The following CUL5 variants were observed in gnomAD, a reference collection of about 807,000 sequenced individuals.
The protein encoded by CUL5 is cullin-5.
A neutral mutation model predicts 108.8 loss-of-function variants in CUL5; 26 were observed. The observed-to-expected ratio is 0.24, with a 90% CI of 0.18 to 0.33. CUL5 has a LOEUF of 0.33. Ranked by LOEUF, CUL5 falls within the 10% of genes least tolerant of loss-of-function variation. The pLI is 1.00. For missense variants in CUL5, 524 were observed against 909.2 expected (o/e 0.58, Z 5.45); for synonymous variants, 334 against 298.0 (o/e 1.12, Z -1.25).
Position 108,009,262 on chromosome 11 carries a change from C to G in CUL5, c.-87C>G, listed in dbSNP as rs973408082. 1.3e-6 allele frequency: 2 copies of G among 1,492,430 alleles called. No individual in the cohort carries two copies. Among genetic ancestry groups the G allele is most frequent in the East Asian group, 2.3e-5 (1 of 43,996 alleles). 92.4% of individuals were successfully genotyped at this position (1,492,430 alleles called of 1,614,324 possible). On this transcript the variant is annotated 5_prime_UTR_variant, in exon 1 of 19. Transcript: ENST00000393094. ...GGTGCGGGCCGACGGGCCCTGGGCC[C>G]TGGTGGGAGCTCCGGCCTCCGGTCA...
Position 108,105,969 on chromosome 11 carries a change from T to A in CUL5, c.*1585T>A, listed in dbSNP as rs1017543545. 6.6e-6 allele frequency: 1 copy of A among 152,144 alleles called. No homozygotes were observed. The highest frequency in any genetic ancestry group is 2.4e-5 in the African/African-American group (1 of 41,454). The allele number at this position is 152,144 out of a possible 1,614,324, so 9.4% of individuals were successfully genotyped here. ...TGGAAGGAAAGCAACTTTAAAACAT[T>A]TAGAGTTTTGCTGAGTATAGCCAAA... is the stretch of plus-strand genomic sequence containing the variant. On this transcript the variant is annotated 3_prime_UTR_variant, in exon 19 of 19. Coordinates refer to ENST00000393094, the MANE Select transcript of CUL5 (RefSeq NM_003478.6).
At chr11:108,011,595 A>T (rs573999689) in intron 1 of CUL5, among the ~76,000 whole-genome samples, 1 of 152,050 alleles carries the variant, frequency 6.6e-6, no homozygotes, top group Admixed American at 6.5e-5. Context: ...AGCCAATGTC[A>T]TAAAAAAAAC....
intron 4 of CUL5, 87 bp from the exon 5 acceptor site, chr11:108,052,573 A>C: frequency 7.7e-7 from 1 of 1,300,452 alleles, no homozygotes; most frequent in Non-Finnish European, 1.1e-6. Flanking sequence ...AGGCCTACAA[A>C]TTTGATTTCC....
chr11:108,057,791 G>C (rs572126050), intron 7 of CUL5, among the ~76,000 whole-genome samples: 1 of 152,118 alleles, frequency 6.6e-6, no homozygotes. Context: ...TGATAGTATC[G>C]TACCAATACT....
In CUL5 at chr11:108,104,682, G is replaced by A; in HGVS notation, c.*298G>A. The A allele has an allele frequency of 4.9e-6, 1 of 202,318 alleles. No homozygotes were observed. Among genetic ancestry groups the A allele is most frequent in the African/African-American group, 2.3e-5 (1 of 43,698 alleles). 12.5% of individuals were successfully genotyped at this position (202,318 alleles called of 1,614,324 possible). On this transcript the variant is annotated 3_prime_UTR_variant, in exon 19 of 19. Coordinates refer to ENST00000393094, the MANE Select transcript of CUL5 (RefSeq NM_003478.6). Reference sequence around the variant, plus strand: ...ATTTGTACCCACCAGGAGAAATACAGTTGGGAAGGGTGAGGGTGGGGTTCT... The same window carrying A: ...ATTTGTACCCACCAGGAGAAATACAATTGGGAAGGGTGAGGGTGGGGTTCT...
intron 7 of CUL5, among the ~76,000 whole-genome samples, chr11:108,061,553 A>G (rs1863535524): frequency 6.6e-6 from 1 of 152,216 alleles, no homozygotes. Context: ...AGTCTTCCAG[A>G]TTCAACAGTT....
chr11:108,051,209 G>GAA (rs553977941), intron 4 of CUL5, among the ~76,000 whole-genome samples: 4 of 148,008 alleles, frequency 2.7e-5, no homozygotes, highest in Non-Finnish European at 4.5e-5. Flanking sequence ...TGTGCCAAGG[G>GAA]AAAAAAAAAA....
In CUL5 at chr11:108,054,724, G is replaced by A; in HGVS notation, c.631G>A (p.Glu211Lys). The A allele has an allele frequency of 6.2e-7, 1 of 1,611,062 alleles. No homozygotes were observed. The highest frequency in any genetic ancestry group is 1.1e-5 in the South Asian group (1 of 90,814). The change falls in exon 6 of 19, where the codon GAG becomes AAG. Residue 211 changes from glutamate to lysine, a missense_variant. By Grantham distance (56) the Glu-to-Lys change is moderately conservative. Coordinates refer to ENST00000393094, the MANE Select transcript of CUL5 (RefSeq NM_003478.6). ...NFEKAYLDST[E>K]RFYRTQAPSY... is the part of the protein sequence containing the mutation. ...TGAGAAGGCATACTTGGATTCAACAGAGAGATTTTATAGAACACAAGCACC... is the reference window on the plus strand; with the variant it reads ...TGAGAAGGCATACTTGGATTCAACAAAGAGATTTTATAGAACACAAGCACC...
At chr11:108,055,618 T>A (rs73557106) in intron 7 of CUL5, among the ~76,000 whole-genome samples, 20,076 of 150,654 alleles carry the variant, frequency 0.13, 1,434 homozygotes, top group African/African-American at 0.19. Flanking sequence ...CTAATAAATA[T>A]ATATATATAT....
chr11:108,026,714 G>A (rs1222146832), intron 1 of CUL5, among the ~76,000 whole-genome samples: 1 of 152,106 alleles, frequency 6.6e-6, no homozygotes, highest in African/African-American at 2.4e-5. Context: ...TATTTGGCCA[G>A]GCGCAGTGGC....
chr11:108,028,746 C>T (rs1862507824), intron 1 of CUL5, among the ~76,000 whole-genome samples: 1 of 152,030 alleles, frequency 6.6e-6, no homozygotes, highest in Non-Finnish European at 1.5e-5. Context: ...ATTGCTTGAA[C>T]CCAGGAGGCA....
chr11:108,068,372 G>T (rs1863741900), intron 7 of CUL5, among the ~76,000 whole-genome samples: 1 of 151,934 alleles, frequency 6.6e-6, no homozygotes, highest in South Asian at 2.1e-4. Context: ...AGACTACACT[G>T]CAGTGACATG....
chr11:108,050,917 C>CT (rs1863202335), intron 4 of CUL5, among the ~76,000 whole-genome samples: 1 of 152,312 alleles, frequency 6.6e-6, no homozygotes, highest in African/African-American at 2.4e-5. Context: ...CTAGGTTTCC[C>CT]TTTCAGCTCT....
At chr11:108,072,192 C>A (rs1246571939) in intron 8 of CUL5, 140 bp from the exon 9 acceptor site, 2 of 630,904 alleles carry the variant, frequency 3.2e-6, no homozygotes, top group Non-Finnish European at 2.4e-6. Flanking sequence ...AACAAAAAAA[C>A]AACAACAAAA....
At chr11:108,069,817 C>G (rs1863777566) in intron 7 of CUL5, among the ~76,000 whole-genome samples, 1 of 152,170 alleles carries the variant, frequency 6.6e-6, no homozygotes, top group Non-Finnish European at 1.5e-5. Context: ...AAGAGTTAAT[C>G]AAAGTTTGGT....
intron 17 of CUL5, among the ~76,000 whole-genome samples, chr11:108,097,963 TTATAC>T (rs1444015543): frequency 3.9e-5 from 6 of 152,246 alleles, no homozygotes; most frequent in Non-Finnish European, 7.3e-5. Context: ...GTCTCTGACA[TTATAC>T]TGTATTGCAT....
At chr11:108,059,874 ACT>A (rs1375839303) in intron 7 of CUL5, among the ~76,000 whole-genome samples, 5 of 95,878 alleles carry the variant, frequency 5.2e-5, no homozygotes, top group Admixed American at 2.5e-4. Flanking sequence ...ACAGAGCGAG[ACT>A]CTGTCTAAAA....
chr11:108,086,904 G>C (rs967169297), intron 11 of CUL5, among the ~76,000 whole-genome samples: 3 of 152,164 alleles, frequency 2.0e-5, no homozygotes, highest in African/African-American at 4.8e-5. Flanking sequence ...ATCCTAGTCA[G>C]ATAGTTTCTA....
intron 11 of CUL5, chr11:108,085,121 C>G (rs947676330): frequency 4.6e-5 from 7 of 152,136 alleles, no homozygotes; most frequent in Non-Finnish European, 8.8e-5. Flanking sequence ...GAAACATGCT[C>G]ATAAATGTTC....
Sources: allele counts gnomAD v4.1 joint callset (sites outside exome capture counted in the v4.1 genomes callset), GRCh38; gene constraint gnomAD v4.1.1; transcripts MANE v1.5; gene names NCBI Gene and HGNC (gene_info 2026-07-23, HGNC 2026-07-21).